Variants in TDRD12 observed in about 807,000 individuals in gnomAD.
TDRD12 encodes the protein putative ATP-dependent RNA helicase TDRD12.
In TDRD12, 158 loss-of-function variants were observed where a neutral mutation model predicts 133.5. That is an observed-to-expected ratio of 1.18 (90% CI 1.04 to 1.35). The LOEUF is 1.35. TDRD12 is among the 40% of genes most tolerant of loss of function. TDRD12 has a pLI of 0.00. For missense variants in TDRD12, 1,443 were observed against 1,321.3 expected (o/e 1.09, Z -1.43); for synonymous variants, 460 against 477.9 (o/e 0.96, Z 0.49).
At chr19:32,738,779 C>G (rs773430456) in intron 2 of TDRD12, 77 bp from the exon 3 acceptor site, 228 of 1,469,508 alleles carry the variant, frequency 1.6e-4, no homozygotes, top group Non-Finnish European at 2.1e-4. Context: ...TGCCACTGCA[C>G]TCCAGCCTGG....
intron 4 of TDRD12, among the ~76,000 whole-genome samples, 165 bp downstream of exon 4, chr19:32,743,065 G>A (rs191239866): frequency 6.6e-6 from 1 of 152,346 alleles, no homozygotes. Flanking sequence ...TGTGGTTGAG[G>A]GGGTTTGGAG....
chr19:32,783,870 G>C (rs1474548213), intron 11 of TDRD12, among the ~76,000 whole-genome samples: 1 of 152,188 alleles, frequency 6.6e-6, no homozygotes, highest in Non-Finnish European at 1.5e-5. Flanking sequence ...GGGCTGAGAT[G>C]ATGGGGTTTT....
rs1315612133 is a variant in TDRD12, at chr19:32,810,278, G to T, written c.2837+1G>T. 5 of 1,508,544 alleles carry T rather than the reference G, an allele frequency of 3.3e-6. No individual in the cohort carries two copies. Among genetic ancestry groups the T allele is most frequent in the Non-Finnish European group, 4.4e-6 (5 of 1,134,984 alleles). 93.4% of individuals were successfully genotyped at this position (1,508,544 alleles called of 1,614,324 possible). ...TAGCAGAAAAAACGCTTTTTCACAG[G>T]TAACACATCTGTTTACTTCATCTGT... On this transcript the variant is annotated splice_donor_variant, in intron 23 of 27. Transcript: ENST00000444215. LOFTEE classifies it high-confidence loss of function.
intron 8 of TDRD12, among the ~76,000 whole-genome samples, chr19:32,758,769 T>C (rs1243243240): frequency 6.6e-6 from 1 of 152,064 alleles, no homozygotes; most frequent in Non-Finnish European, 1.5e-5. Flanking sequence ...ACCCCGTCTC[T>C]GCTAAAACTA....
chr19:32,795,339 A>G lies in TDRD12; in HGVS notation c.1473+526A>G, dbSNP rs373944168. ...TAAGAGCAAAACTCCATCTCAGAAAAAAAAAAAAAAAAAGAAAGAAAAAGA... is the reference window on the plus strand; with the variant it reads ...TAAGAGCAAAACTCCATCTCAGAAAGAAAAAAAAAAAAAGAAAGAAAAAGA... On this transcript the variant is annotated intron_variant, in intron 14 of 27. Transcript: ENST00000444215. 2.6e-3 allele frequency among the ~76,000 whole-genome samples: 391 copies of G among 151,072 alleles called. 5 individuals are homozygous for G. Among genetic ancestry groups the G allele is most frequent in the African/African-American group, 9.2e-3 (376 of 40,932 alleles).
At chr19:32,794,893 G>A (rs186977946) in intron 14 of TDRD12, 80 bp downstream of exon 14, 599 of 644,968 alleles carry the variant, frequency 9.3e-4, no homozygotes, top group African/African-American at 7.3e-3. Context: ...CTTTGAGGAA[G>A]GTCGTCTATT....
chr19:32,817,115 T>C (rs1967206407), intron 26 of TDRD12, among the ~76,000 whole-genome samples: 2 of 152,212 alleles, frequency 1.3e-5, no homozygotes, highest in Admixed American at 1.3e-4. Flanking sequence ...TGCATGTGTT[T>C]TATCGTGGCA....
chr19:32,724,349 G>A (rs535429064), intron 1 of TDRD12, among the ~76,000 whole-genome samples: 7 of 152,164 alleles, frequency 4.6e-5, no homozygotes, highest in African/African-American at 1.7e-4. Context: ...AGCCCCGCAT[G>A]TATTAGTTTT....
intron 2 of TDRD12, among the ~76,000 whole-genome samples, chr19:32,736,785 G>C (rs1969238546): frequency 6.6e-6 from 1 of 152,214 alleles, no homozygotes; most frequent in Admixed American, 6.5e-5. Context: ...CGGTTTATTA[G>C]TTGAGTTGGC....
intron 19 of TDRD12, among the ~76,000 whole-genome samples, chr19:32,802,206 A>T (rs1335217812): frequency 7.5e-6 from 1 of 133,696 alleles, no homozygotes; most frequent in African/African-American, 3.0e-5. Context: ...TATGATAGTG[A>T]TCATATATAT....
exon 1 of TDRD12, chr19:32,720,018 G>C (rs150315126): frequency 6.5e-7 from 1 of 1,543,006 alleles, no homozygotes; most frequent in Non-Finnish European, 8.7e-7. Context: ...CCTCACCCGC[G>C]ACGGTAGGGG....
At chr19:32,733,524 C>G (rs1969125411) in intron 2 of TDRD12, among the ~76,000 whole-genome samples, 1 of 151,650 alleles carries the variant, frequency 6.6e-6, no homozygotes, top group African/African-American at 2.4e-5. Flanking sequence ...AAATATAAAG[C>G]TTTGGGTAGA....
intron 8 of TDRD12, among the ~76,000 whole-genome samples, chr19:32,764,640 A>G (rs922812426): frequency 1.3e-5 from 2 of 152,210 alleles, no homozygotes; most frequent in African/African-American, 4.8e-5. Context: ...AGCATTGTTC[A>G]AATCTTCTTT....
intron 8 of TDRD12, among the ~76,000 whole-genome samples, chr19:32,770,286 C>T (rs916147515): frequency 3.3e-5 from 5 of 152,120 alleles, no homozygotes; most frequent in African/African-American, 4.8e-5. Flanking sequence ...GGATTACAGG[C>T]GTGAACCACC....
chr19:32,811,335 AT>A lies in TDRD12; in HGVS notation c.2966del (p.Phe989SerfsTer16). ...GACCAGCTGCTGCATCTCCCAGAAC[AT>A]TTCCACACACTTCCCCCGCAGGCTG... On this transcript the variant is annotated frameshift_variant, in exon 24 of 28. Transcript: ENST00000444215. LOFTEE classifies it high-confidence loss of function. 1 of 1,536,108 alleles carries A rather than the reference AT, an allele frequency of 6.5e-7. No individual in the cohort carries two copies. Among genetic ancestry groups the A allele is most frequent in the Non-Finnish European group, 8.7e-7 (1 of 1,146,904 alleles).
chr19:32,747,219 T>C (rs1386818523), intron 4 of TDRD12, among the ~76,000 whole-genome samples: 1 of 152,188 alleles, frequency 6.6e-6, no homozygotes, highest in Non-Finnish European at 1.5e-5. Flanking sequence ...TCTTGGGTTG[T>C]TTGCCTTTTC....
downstream of TDRD12, among the ~76,000 whole-genome samples, chr19:32,822,621 C>T (rs1967440106): frequency 6.6e-6 from 1 of 151,712 alleles, no homozygotes; most frequent in Admixed American, 6.6e-5. Flanking sequence ...GTGGTGGGCA[C>T]CTGTAGTCCC....
chr19:32,807,739 A>G (rs1012558172), intron 22 of TDRD12, 91 bp downstream of exon 22: 1 of 906,448 alleles, frequency 1.1e-6, no homozygotes, highest in African/African-American at 1.7e-5. Context: ...AGTAGATGTC[A>G]TGGTGCCTTC....
chr19:32,782,901 C>G (rs1970809520), intron 11 of TDRD12, among the ~76,000 whole-genome samples: 1 of 152,172 alleles, frequency 6.6e-6, no homozygotes, highest in South Asian at 2.1e-4. Context: ...CAAAAATGTT[C>G]TACCATTCTG....
Sources: gnomAD v4.1 joint callset for allele counts (sites outside exome capture counted in the v4.1 genomes callset) on GRCh38, gnomAD v4.1.1 for gene constraint, MANE v1.5 for transcripts, NCBI Gene and HGNC (gene_info 2026-07-23, HGNC 2026-07-21) for gene names.